The following DENND1B variants were observed in gnomAD, a reference collection of about 807,000 sequenced individuals.
DENND1B encodes the protein DENN domain-containing protein 1B.
DENND1B carries 59 observed loss-of-function variants against 90.1 expected under a neutral mutation model. The observed-to-expected ratio is 0.65, with a 90% CI of 0.53 to 0.81. The LOEUF is 0.81. Ranked by LOEUF, DENND1B falls within the 40% of genes least tolerant of loss-of-function variation. The pLI is 0.00. For missense variants in DENND1B, 862 were observed against 912.6 expected, an observed-to-expected ratio of 0.94 and a Z score of 0.71; for synonymous variants, 337 against 324.6, an observed-to-expected ratio of 1.04 and a Z score of -0.41.
chr1:197,734,553 G>A, intron 2 of DENND1B: 1 of 976,078 alleles, frequency 1.0e-6, no homozygotes, highest in Non-Finnish European at 1.2e-6. Context: ...TGTGTTATTG[G>A]TATAAAAAGA....
intron 3 of DENND1B, 125 bp from the exon 4 acceptor site, chr1:197,674,294 C>A (rs189402506): frequency 1.5e-6 from 1 of 678,690 alleles, no homozygotes; most frequent in Non-Finnish European, 2.5e-6. Flanking sequence ...AAAAATAGCA[C>A]AGGTTCCTAG....
intron 2 of DENND1B, 83 bp downstream of exon 2, chr1:197,772,785 A>T: frequency 8.1e-7 from 1 of 1,234,040 alleles, no homozygotes; most frequent in Non-Finnish European, 1.1e-6. Flanking sequence ...TGATCATGCC[A>T]CTGCACAGCC....
At chr1:197,577,256 G>A (rs1252553419) in intron 15 of DENND1B, among the ~76,000 whole-genome samples, 1 of 152,136 alleles carries the variant, frequency 6.6e-6, no homozygotes. Flanking sequence ...CCTAAGGGTT[G>A]ACATTCAAAC....
At chr1:197,599,946 T>C (rs1164213073) in intron 13 of DENND1B, among the ~76,000 whole-genome samples, 2 of 151,856 alleles carry the variant, frequency 1.3e-5, no homozygotes, top group Non-Finnish European at 2.9e-5. Flanking sequence ...CTATCTCTAC[T>C]ATCTCATTTT....
chr1:197,642,210 C>G (rs970251761), intron 10 of DENND1B, among the ~76,000 whole-genome samples: 2 of 152,070 alleles, frequency 1.3e-5, no homozygotes, highest in Non-Finnish European at 2.9e-5. Context: ...AAAAATGCTA[C>G]TTTGACTTTT....
intron 12 of DENND1B, among the ~76,000 whole-genome samples, chr1:197,609,980 G>C (rs538697762): frequency 6.6e-6 from 1 of 150,464 alleles, no homozygotes; most frequent in African/African-American, 2.4e-5. Flanking sequence ...GAAAAAATCC[G>C]CCTAATAGTG....
intron 2 of DENND1B, chr1:197,735,599 T>C: frequency 1.2e-6 from 2 of 1,614,158 alleles, no homozygotes; most frequent in East Asian, 2.2e-5. Flanking sequence ...AAAATACAGG[T>C]TGGGGCCATC....
chr1:197,726,487 G>A (rs1322725779), intron 2 of DENND1B, among the ~76,000 whole-genome samples: 1 of 152,120 alleles, frequency 6.6e-6, no homozygotes, highest in Non-Finnish European at 1.5e-5. Context: ...TCAAACAATG[G>A]GCTAAGATGA....
intron 3 of DENND1B, 68 bp from the exon 4 acceptor site, chr1:197,674,237 CTTT>C: frequency 8.6e-7 from 1 of 1,156,786 alleles, no homozygotes; most frequent in Admixed American, 2.4e-5. Context: ...GTTAAAACTT[CTTT>C]GAGACATTTT....
chr1:197,663,049 G>A (rs549740194), intron 5 of DENND1B, among the ~76,000 whole-genome samples: 1 of 152,160 alleles, frequency 6.6e-6, no homozygotes, highest in Non-Finnish European at 1.5e-5. Context: ...GATATGGCCT[G>A]CAAAAGTCTT....
In DENND1B at chr1:197,512,965, G is replaced by A. The variant is rs765521359; in HGVS notation, c.1516-12C>T. Reference sequence around the variant, plus strand: ...CTTTTTAAGCGTGCCTGGAGAGAGAGATTGACAATAAATTGGCATTAGCAG... The same window carrying A: ...CTTTTTAAGCGTGCCTGGAGAGAGAAATTGACAATAAATTGGCATTAGCAG... On this transcript the variant is annotated splice_polypyrimidine_tract_variant and intron_variant, in intron 20 of 22. Transcript: ENST00000620048. The A allele has an allele frequency of 6.3e-7, 1 of 1,599,914 alleles. No individual in the cohort carries two copies. The highest frequency in any genetic ancestry group is 8.5e-7 in the Non-Finnish European group (1 of 1,173,826).
At position 197,582,002 on chromosome 1, in the gene DENND1B, G is replaced by A. The variant is rs1376210761; in HGVS notation, c.1149+1150C>T. 2.0e-5 allele frequency among the ~76,000 whole-genome samples: 3 copies of A among 152,110 alleles called. No homozygotes were observed. The East Asian group carries it at 5.8e-4, about 29-fold the overall frequency. ...CCTTTCAACCCTGGGAAGTAATTGA[G>A]TCTATGCTTGGAGACCTCTAGGGAC... On this transcript the variant is annotated intron_variant, in intron 15 of 22. Transcript: ENST00000620048.
At chr1:197,739,991 A>G (rs929135149) in intron 2 of DENND1B, among the ~76,000 whole-genome samples, 1 of 152,206 alleles carries the variant, frequency 6.6e-6, no homozygotes, top group African/African-American at 2.4e-5. Context: ...GCACTATCAA[A>G]TATAATTTTG....
At chr1:197,605,109 T>C (rs1483126659) in intron 13 of DENND1B, among the ~76,000 whole-genome samples, 1 of 151,012 alleles carries the variant, frequency 6.6e-6, no homozygotes, top group African/African-American at 2.4e-5. Context: ...CTACACCACC[T>C]TTCAGTATAA....
chr1:197,612,332 T>C (rs909224008), intron 11 of DENND1B, among the ~76,000 whole-genome samples: 4 of 150,644 alleles, frequency 2.7e-5, no homozygotes, highest in African/African-American at 9.7e-5. Context: ...AGCAAATATA[T>C]CTTAAATAAT....
chr1:197,673,115 C>T (rs1655689098), intron 4 of DENND1B, among the ~76,000 whole-genome samples: 1 of 151,908 alleles, frequency 6.6e-6, no homozygotes, highest in Admixed American at 6.6e-5. Context: ...AACAACTACA[C>T]TTTTCAGTGG....
chr1:197,660,463 A>G (rs1439506270), intron 5 of DENND1B, among the ~76,000 whole-genome samples: 4 of 152,084 alleles, frequency 2.6e-5, no homozygotes, highest in Non-Finnish European at 5.9e-5. Context: ...GAGGAAAGAA[A>G]TGAATGAAAG....
intron 2 of DENND1B, among the ~76,000 whole-genome samples, chr1:197,765,493 T>G (rs1655595728): frequency 6.6e-6 from 1 of 152,062 alleles, no homozygotes; most frequent in South Asian, 2.1e-4. Flanking sequence ...AACTTGCAAA[T>G]AAAACATGAA....
At chr1:197,773,957 G>T (rs1656935587) in intron 1 of DENND1B, among the ~76,000 whole-genome samples, 1 of 152,092 alleles carries the variant, frequency 6.6e-6, no homozygotes, top group African/African-American at 2.4e-5. Flanking sequence ...TTAAAAAAAA[G>T]CATTTCTTTT....
Sources: allele counts gnomAD v4.1 joint callset (sites outside exome capture counted in the v4.1 genomes callset), GRCh38; gene constraint gnomAD v4.1.1; transcripts MANE v1.5; gene names NCBI Gene and HGNC (gene_info 2026-07-23, HGNC 2026-07-21).